Variants in SAE1 observed in about 807,000 individuals in gnomAD.
The protein encoded by SAE1 is SUMO-activating enzyme subunit 1.
SAE1 carries 11 observed loss-of-function variants against 40.6 expected under a neutral mutation model. The observed-to-expected ratio is 0.27, with a 90% CI of 0.17 to 0.45. The LOEUF (loss-of-function observed/expected upper bound fraction) is 0.45, where lower values mean the gene tolerates loss of function less well. Ranked by LOEUF, SAE1 falls within the 20% of genes least tolerant of loss-of-function variation. The pLI is 1.00. For synonymous variants in SAE1, 155 were observed against 154.3 expected, an observed-to-expected ratio of 1.00 and a Z score of -0.03; for missense variants, 373 against 427.3, an observed-to-expected ratio of 0.87 and a Z score of 1.12.
intron 6 of SAE1, among the ~76,000 whole-genome samples, chr19:47,174,277 ATTTCT>A (rs1337300702): frequency 2.0e-5 from 3 of 149,006 alleles, no homozygotes; most frequent in East Asian, 3.9e-4. Context: ...TGTGCAGTAA[ATTTCT>A]TTTCTTTTTT....
chr19:47,208,216 AAC>A (rs1318726762), intron 8 of SAE1, among the ~76,000 whole-genome samples: 1 of 152,298 alleles, frequency 6.6e-6, no homozygotes, highest in Non-Finnish European at 1.5e-5. Flanking sequence ...ATGGTGGTGC[AAC>A]ACAGTGTTAG....
intron 6 of SAE1, among the ~76,000 whole-genome samples, chr19:47,191,891 T>C (rs1239987786): frequency 6.6e-6 from 1 of 151,614 alleles, no homozygotes; most frequent in Non-Finnish European, 1.5e-5. Context: ...CCGTCTATAC[T>C]AAAAATACAA....
intron 5 of SAE1, among the ~76,000 whole-genome samples, chr19:47,169,480 A>G (rs2058417179): frequency 6.6e-6 from 1 of 152,142 alleles, no homozygotes; most frequent in South Asian, 2.1e-4. Context: ...TCCTGACCTC[A>G]TGTGATCCGC....
At chr19:47,174,036 G>A (rs1440154623) in intron 6 of SAE1, among the ~76,000 whole-genome samples, 3 of 151,784 alleles carry the variant, frequency 2.0e-5, no homozygotes, top group South Asian at 2.1e-4. Context: ...CACCCGCCTC[G>A]GCCTCCCAAA....
intron 8 of SAE1, among the ~76,000 whole-genome samples, chr19:47,207,513 GT>G (rs2058692458): frequency 1.3e-5 from 2 of 152,090 alleles, no homozygotes; most frequent in Non-Finnish European, 2.9e-5. Context: ...TCCTTTCTGG[GT>G]TAAGGACCTG....
chr19:47,187,026 G>C (rs189858144), intron 6 of SAE1, among the ~76,000 whole-genome samples: 144 of 152,238 alleles, frequency 9.5e-4, no homozygotes, highest in Non-Finnish European at 1.5e-3. Flanking sequence ...GTGGAGGGGG[G>C]GTGCTCAGGA....
intron 7 of SAE1, among the ~76,000 whole-genome samples, chr19:47,202,082 G>A (rs1051178690): frequency 6.6e-6 from 1 of 152,112 alleles, no homozygotes; most frequent in Admixed American, 6.6e-5. Context: ...GATTGGAATG[G>A]ATACAGCCTT....
At chr19:47,147,211 T>A (rs1055843785) in intron 2 of SAE1, among the ~76,000 whole-genome samples, 3 of 137,972 alleles carry the variant, frequency 2.2e-5, no homozygotes, top group Non-Finnish European at 3.1e-5. Context: ...TTTTTTTTTT[T>A]TTTTTTTTTT....
At position 47,152,050 on chromosome 19, in the gene SAE1, C is replaced by A. The variant is rs78213020; in HGVS notation, c.385-848C>A. On this transcript the variant is annotated intron_variant, in intron 3 of 8. Transcript: ENST00000270225. ...TTTGAAACACCAAAGGAACACATTT[C>A]TCTGTGAGTGTTATTTCGGTATTCA... 4.3e-3 allele frequency among the ~76,000 whole-genome samples: 648 copies of A among 152,338 alleles called. 6 individuals carry two copies. The highest frequency in any genetic ancestry group is 0.015 in the African/African-American group (614 of 41,586).
Position 47,174,081 on chromosome 19 carries a change from G to A in SAE1, c.733+4158G>A, listed in dbSNP as rs114251100. ...TTACAGACGTGAGCCACTTCGCCCAGCCTGTTTACCCTTAATTCCATCCCT... is the reference window on the plus strand; with the variant it reads ...TTACAGACGTGAGCCACTTCGCCCAACCTGTTTACCCTTAATTCCATCCCT... On this transcript the variant is annotated intron_variant, in intron 6 of 8. Transcript: ENST00000270225. 3.9e-3 allele frequency among the ~76,000 whole-genome samples: 599 copies of A among 152,116 alleles called. 6 individuals carry two copies. Among genetic ancestry groups the A allele is most frequent in the African/African-American group, 0.014 (569 of 41,532 alleles).
At position 47,150,251 on chromosome 19, in the gene SAE1, T is replaced by C; in HGVS notation, c.260T>C (p.Val87Ala). 1.9e-6 allele frequency: 3 copies of C among 1,613,458 alleles called. No homozygotes were observed. In the Admixed American group the frequency reaches 5.0e-5, roughly 27 times the overall value. Residue 87 changes from valine to alanine, a missense_variant, in exon 3 of 9, where the codon GTT becomes GCT. By Grantham distance (64) the Val-to-Ala change is moderately conservative (BLOSUM62 0). Coordinates refer to ENST00000270225, the MANE Select transcript of SAE1 (RefSeq NM_005500.3). ...CAGTTCTTGATTCGTACTGGGTCTGTTGGCCGAAATAGGGCTGAAGCCTCT... is the reference window on the plus strand; with the variant it reads ...CAGTTCTTGATTCGTACTGGGTCTGCTGGCCGAAATAGGGCTGAAGCCTCT... ...GAQFLIRTGS[V>A]GRNRAEASLE...
chr19:47,165,888 C>T (rs1342829943), intron 5 of SAE1, among the ~76,000 whole-genome samples: 1 of 152,168 alleles, frequency 6.6e-6, no homozygotes, highest in Non-Finnish European at 1.5e-5. Flanking sequence ...GTGGCCTTTC[C>T]CTTTAGAGCA....
intron 8 of SAE1, among the ~76,000 whole-genome samples, chr19:47,208,593 T>C (rs902372992): frequency 4.6e-5 from 7 of 152,102 alleles, no homozygotes; most frequent in Admixed American, 6.6e-5. Flanking sequence ...ACTCGGCTAA[T>C]TTCTGTATTT....
At chr19:47,199,619 C>T (rs866286085) in intron 7 of SAE1, among the ~76,000 whole-genome samples, 31 of 152,188 alleles carry the variant, frequency 2.0e-4, no homozygotes, top group African/African-American at 7.5e-4. Flanking sequence ...ACTTTGAATG[C>T]CCAAGTAGTC....
chr19:47,161,933 C>T (rs2058361935), intron 5 of SAE1, among the ~76,000 whole-genome samples: 1 of 152,186 alleles, frequency 6.6e-6, no homozygotes, highest in Non-Finnish European at 1.5e-5. Context: ...ATATGTTGTT[C>T]TAGGGCTTTG....
intron 6 of SAE1, among the ~76,000 whole-genome samples, chr19:47,191,883 G>A (rs915881629): frequency 2.6e-5 from 4 of 151,888 alleles, no homozygotes; most frequent in East Asian, 1.9e-4. Context: ...GTGAAACCCC[G>A]TCTATACTAA....
At chr19:47,152,588 T>G (rs2058294336) in intron 3 of SAE1, among the ~76,000 whole-genome samples, 1 of 152,228 alleles carries the variant, frequency 6.6e-6, no homozygotes, top group South Asian at 2.1e-4. Flanking sequence ...ATTTTTTTTA[T>G]GAGAACTATG....
chr19:47,203,590 GC>G, intron 7 of SAE1, 80 bp from the exon 8 acceptor site: 2 of 1,265,194 alleles, frequency 1.6e-6, no homozygotes, highest in East Asian at 4.7e-5. Flanking sequence ...ATTCAGGAGA[GC>G]CTACTACTGA....
rs2058621103 is a variant in SAE1 at position 47,197,156 on chromosome 19, G to A, written c.734-77G>A. On this transcript the variant is annotated intron_variant, in intron 6 of 8. Coordinates refer to ENST00000270225, the MANE Select transcript of SAE1 (RefSeq NM_005500.3). ...AGATTGTGCCATTGCACTCCAGCCT[G>A]GGCGACAGTGTGAGCCTCCATCTCC... The A allele has an allele frequency of 5.5e-6, 8 of 1,450,688 alleles. No individual in the cohort carries two copies. The Admixed American group carries it at 1.7e-4, about 31-fold the overall frequency. The allele number at this position is 1,450,688 out of a possible 1,614,324, so 89.9% of individuals were successfully genotyped here. A position where few individuals can be genotyped will look rare whatever the true frequency, so the allele number is the denominator to read the frequency against.
Sources: gnomAD v4.1 joint callset for allele counts (sites outside exome capture counted in the v4.1 genomes callset) on GRCh38, gnomAD v4.1.1 for gene constraint, MANE v1.5 for transcripts, NCBI Gene and HGNC (gene_info 2026-07-23, HGNC 2026-07-21) for gene names.